The following GSDMC variants were observed in gnomAD, a reference collection of about 807,000 sequenced individuals.
GSDMC encodes gasdermin-C.
GSDMC carries 59 observed loss-of-function variants against 58.0 expected under a neutral mutation model. The observed-to-expected ratio is 1.02, with a 90% CI of 0.82 to 1.26. GSDMC has a LOEUF of 1.26. GSDMC is among the 50% of genes most tolerant of loss of function. GSDMC has a pLI of 0.00. For synonymous variants in GSDMC, 241 were observed against 220.2 expected (o/e 1.09, Z -0.83); for missense variants, 659 against 598.5 (o/e 1.10, Z -1.06).
the GSDMC span, among the ~76,000 whole-genome samples, chr8:129,738,118 T>C: frequency 8.5e-5 from 13 of 152,176 alleles, no homozygotes; most frequent in Non-Finnish European, 1.9e-4. Context: ...CACAATGAGA[T>C]ACCATCTCAC....
In GSDMC at chr8:129,748,401, G is replaced by A. The variant is rs564477054; in HGVS notation, c.*100C>T. The A allele has an allele frequency of 6.4e-5, 78 of 1,215,686 alleles. No individual in the cohort carries two copies. The highest frequency in any genetic ancestry group is 1.4e-4 in the Admixed American group (5 of 36,628). The allele number at this position is 1,215,686 out of a possible 1,614,324, so 75.3% of individuals were successfully genotyped here. On this transcript the variant is annotated 3_prime_UTR_variant, in exon 14 of 14. Coordinates refer to ENST00000276708, the MANE Select transcript of GSDMC (RefSeq NM_031415.3). ...TACTGTCTCTACTCCACCTGGAAAC[G>A]CAGAGAGGCACAGCCCTATCTCTTG...
the GSDMC span, chr8:129,729,743 C>T: frequency 2.6e-5 from 15 of 574,422 alleles, no homozygotes; most frequent in African/African-American, 2.8e-4. Flanking sequence ...CGAGTCTTTG[C>T]TATTGTAAAA....
At chr8:129,749,017 G>A (rs2033061299) in intron 13 of GSDMC, among the ~76,000 whole-genome samples, 1 of 152,124 alleles carries the variant, frequency 6.6e-6, no homozygotes, top group Non-Finnish European at 1.5e-5. Context: ...ATATATGTAT[G>A]TATATAGTAT....
chr8:129,771,275 T>A (rs568315548), intron 3 of GSDMC, among the ~76,000 whole-genome samples: 1 of 151,062 alleles, frequency 6.6e-6, no homozygotes, highest in Non-Finnish European at 1.5e-5. Flanking sequence ...AAAAAAAAAA[T>A]CAATGCAGAA....
chr8:129,714,033 C>G, the GSDMC span, among the ~76,000 whole-genome samples: 48 of 152,324 alleles, frequency 3.2e-4, no homozygotes, highest in Admixed American at 3.9e-4. Context: ...GCAAACACTA[C>G]TCATCTCAGC....
the GSDMC span, among the ~76,000 whole-genome samples, chr8:129,718,083 T>A: frequency 6.6e-6 from 1 of 152,054 alleles, no homozygotes; most frequent in African/African-American, 2.4e-5. Context: ...GAAGAAAACA[T>A]AGTCAATACT....
intron 6 of GSDMC, among the ~76,000 whole-genome samples, chr8:129,753,182 T>C (rs1264662761): frequency 6.6e-6 from 1 of 152,200 alleles, no homozygotes; most frequent in Non-Finnish European, 1.5e-5. Context: ...AAAAAGGTGC[T>C]TGCGCTACCC....
chr8:129,776,920 C>T (rs1309754673), intron 2 of GSDMC, among the ~76,000 whole-genome samples: 1 of 128,326 alleles, frequency 7.8e-6, no homozygotes, highest in Non-Finnish European at 1.6e-5. Flanking sequence ...ACCACCCATG[C>T]CTGGATAATT....
rs1308527562 is a variant in GSDMC, at chr8:129,748,515, G to A, written c.1513C>T (p.Leu505=). 1.2e-6 allele frequency: 2 copies of A among 1,607,744 alleles called. No homozygotes were observed. The highest frequency in any genetic ancestry group is 1.7e-6 in the Non-Finnish European group (2 of 1,176,984). The change falls in exon 14 of 14, where the codon CTG becomes TTG. Residue 505 remains leucine (L), a synonymous_variant. Transcript: ENST00000276708. ...LYGTLSLLQQ[L]AEA Reference sequence around the variant, plus strand: ...TCAGGGAGGGCTTAGGCCTCAGCCAGCTGCTGCAGCAACGAGAGAGTCCCA... The same window carrying A: ...TCAGGGAGGGCTTAGGCCTCAGCCAACTGCTGCAGCAACGAGAGAGTCCCA...
At chr8:129,717,272 T>TA in the GSDMC span, among the ~76,000 whole-genome samples, 3 of 123,802 alleles carry the variant, frequency 2.4e-5, no homozygotes, top group Non-Finnish European at 5.2e-5. Context: ...TTTTTTTTTT[T>TA]ATTGGTAGGC....
intron 3 of GSDMC, among the ~76,000 whole-genome samples, chr8:129,772,260 CAAA>C (rs1161238758): frequency 0.027 from 2,514 of 94,356 alleles, 48 homozygotes; most frequent in African/African-American, 0.091. Context: ...GACTCCGTCT[CAAA>C]AAAAAAAAAA....
chr8:129,726,725 CATACTT>C, the GSDMC span, among the ~76,000 whole-genome samples: 1 of 152,010 alleles, frequency 6.6e-6, no homozygotes, highest in Non-Finnish European at 1.5e-5. Flanking sequence ...TCCTGGATGT[CATACTT>C]ACCTCCATGC....
chr8:129,751,597 C>A, intron 9 of GSDMC, 29 bp from the exon 10 acceptor site: 1 of 1,607,862 alleles, frequency 6.2e-7, no homozygotes, highest in Non-Finnish European at 8.5e-7. Flanking sequence ...CATCATCTCA[C>A]TTCCTCATCC....
At chr8:129,708,217 G>A in the GSDMC span, among the ~76,000 whole-genome samples, 10 of 152,210 alleles carry the variant, frequency 6.6e-5, no homozygotes, top group African/African-American at 1.2e-4. Context: ...TCATAAAGCC[G>A]GCTCTGCTTA....
chr8:129,762,016 T>C (rs549131544), intron 5 of GSDMC, among the ~76,000 whole-genome samples: 10 of 152,348 alleles, frequency 6.6e-5, no homozygotes, highest in Non-Finnish European at 2.9e-5. Flanking sequence ...ACAAGGACTC[T>C]GAGAGCCAGT....
the GSDMC span, among the ~76,000 whole-genome samples, chr8:129,717,044 T>C: frequency 1.3e-5 from 2 of 152,146 alleles, no homozygotes; most frequent in East Asian, 1.9e-4. Flanking sequence ...GATTTTTGCA[T>C]TGATGTTCTT....
chr8:129,742,916 G>A, the GSDMC span, among the ~76,000 whole-genome samples: 1 of 152,160 alleles, frequency 6.6e-6, no homozygotes, highest in Non-Finnish European at 1.5e-5. Flanking sequence ...GTCAATTCTA[G>A]ATTGATAGTT....
the GSDMC span, among the ~76,000 whole-genome samples, chr8:129,726,999 T>TACACACACACACAC: frequency 3.2e-5 from 3 of 93,018 alleles, no homozygotes; most frequent in South Asian, 3.2e-4. Flanking sequence ...CCAATACACA[T>TACACACACACACAC]ACACACACAC....
chr8:129,730,443 TAA>T, the GSDMC span: 1 of 1,088,402 alleles, frequency 9.2e-7, no homozygotes, highest in Non-Finnish European at 1.3e-6. Flanking sequence ...CCAAAAAGTT[TAA>T]GTTGATTTTT....
Sources: allele counts gnomAD v4.1 joint callset (sites outside exome capture counted in the v4.1 genomes callset), GRCh38; gene constraint gnomAD v4.1.1; transcripts MANE v1.5; gene names NCBI Gene and HGNC (gene_info 2026-07-23, HGNC 2026-07-21).